ZNF589: variants seen among roughly 807,000 people sequenced by gnomAD.
ZNF589 encodes the protein zinc finger protein 589, also known as KRAB-zinc finger protein SZF1-1.
A neutral mutation model predicts 13.6 loss-of-function variants in ZNF589; 17 were observed. That is an observed-to-expected ratio of 1.25 (90% CI 0.86 to 1.88). The LOEUF (loss-of-function observed/expected upper bound fraction) is 1.88. ZNF589 is among the 40% of genes most tolerant of loss of function. The pLI is 0.00. For missense variants in ZNF589, 407 were observed against 434.0 expected, an observed-to-expected ratio of 0.94 and a Z score of 0.55; for synonymous variants, 148 against 161.6, an observed-to-expected ratio of 0.92 and a Z score of 0.64.
At chr3:48,250,840 A>T (rs2033830587) in intron 2 of ZNF589, among the ~76,000 whole-genome samples, 1 of 152,104 alleles carries the variant, frequency 6.6e-6, no homozygotes, top group Non-Finnish European at 1.5e-5. Flanking sequence ...TCGTTTTCTT[A>T]ACGTCTTTTG....
intron 3 of ZNF589, among the ~76,000 whole-genome samples, chr3:48,265,057 C>A (rs1467755727): frequency 6.6e-6 from 1 of 151,688 alleles, no homozygotes; most frequent in African/African-American, 2.4e-5. Flanking sequence ...CTGCAACCTC[C>A]GCCTCCTGGG....
chr3:48,247,766 T>G, intron 2 of ZNF589, 89 bp downstream of exon 2: 1 of 1,460,752 alleles, frequency 6.8e-7, no homozygotes, highest in Non-Finnish European at 9.5e-7. Context: ...AGGGAGGAAG[T>G]GATTAACATT....
intron 2 of ZNF589, among the ~76,000 whole-genome samples, chr3:48,259,749 A>G (rs1258890171): frequency 1.3e-5 from 2 of 151,950 alleles, no homozygotes; most frequent in East Asian, 3.9e-4. Flanking sequence ...CATCGCTACT[A>G]AAAACAAAAT....
At position 48,270,372 on chromosome 3, in the gene ZNF589, A is replaced by C; in HGVS notation, c.*1586A>C. On this transcript the variant is annotated 3_prime_UTR_variant, in exon 4 of 4. Coordinates refer to ENST00000354698, the MANE Select transcript of ZNF589 (RefSeq NM_016089.3). ...AGGGATCTAGCAATGCTGCATCATCAGCCTTCCAATACCAGGTTTAAGGGT... is the reference window on the plus strand; with the variant it reads ...AGGGATCTAGCAATGCTGCATCATCCGCCTTCCAATACCAGGTTTAAGGGT... 2.6e-6 allele frequency: 1 copy of C among 380,464 alleles called. No homozygotes were observed. Among genetic ancestry groups the C allele is most frequent in the Middle Eastern group, 7.5e-4 (1 of 1,340 alleles). The allele number at this position is 380,464 out of a possible 1,614,324, so 23.6% of individuals were successfully genotyped here. A position where few individuals can be genotyped will look rare whatever the true frequency, so the allele number is the denominator to read the frequency against.
At chr3:48,245,934 G>A (rs2033759161) in intron 1 of ZNF589, among the ~76,000 whole-genome samples, 1 of 150,144 alleles carries the variant, frequency 6.7e-6, no homozygotes, top group South Asian at 2.1e-4. Flanking sequence ...GTGACAGAGT[G>A]AGACTCTGTC....
Position 48,270,175 on chromosome 3 carries a change from C to A in ZNF589, c.*1389C>A. On this transcript the variant is annotated 3_prime_UTR_variant, in exon 4 of 4. Transcript: ENST00000354698. ...GCCTTTGCTGTTTCCTCTCCTACCC[C>A]ACCTTTAGATTTTACTCAGAGTTCA... 1 of 457,164 alleles carries A rather than the reference C, an allele frequency of 2.2e-6. No individual in the cohort carries two copies. The allele number at this position is 457,164 out of a possible 1,614,324, so 28.3% of individuals were successfully genotyped here.
chr3:48,247,469 T>G (rs920627675), intron 1 of ZNF589, among the ~76,000 whole-genome samples, 156 bp from the exon 2 acceptor site: 1 of 151,904 alleles, frequency 6.6e-6, no homozygotes, highest in African/African-American at 2.4e-5. Flanking sequence ...CATAGAGAAG[T>G]TGACTCAAGC....
intron 2 of ZNF589, among the ~76,000 whole-genome samples, chr3:48,258,561 A>G (rs1397175435): frequency 6.6e-6 from 1 of 152,184 alleles, no homozygotes; most frequent in Non-Finnish European, 1.5e-5. Flanking sequence ...CTTTTTGAGA[A>G]CCAAAAATTA....
chr3:48,241,189 G>C lies in ZNF589; in HGVS notation c.18G>C (p.Glu6Asp), dbSNP rs544798487. 4.5e-5 allele frequency: 73 copies of C among 1,613,576 alleles called. No individual in the cohort carries two copies. In the East Asian group the frequency reaches 5.8e-4, roughly 13 times the overall value. The change falls in exon 1 of 4, where the codon GAG (glutamate) becomes GAC (aspartate). Residue 6 changes from glutamate (E) to aspartate (D), a missense_variant. By Grantham distance (45) the Glu-to-Asp change is conservative. Coordinates refer to ENST00000354698, the MANE Select transcript of ZNF589 (RefSeq NM_016089.3). MWAPR[E>D]QLLGWTAEAL... ...GCGCGCAGATGTGGGCCCCGCGGGA[G>C]CAGCTACTGGGCTGGACTGCGGAAG...
chr3:48,245,510 G>A (rs1265208037), intron 1 of ZNF589, among the ~76,000 whole-genome samples: 4 of 152,166 alleles, frequency 2.6e-5, no homozygotes, highest in African/African-American at 9.7e-5. Context: ...CCCCCTGAGA[G>A]GCACTCCCTT....
intron 1 of ZNF589, among the ~76,000 whole-genome samples, chr3:48,242,114 A>G (rs189562803): frequency 6.6e-6 from 1 of 151,630 alleles, no homozygotes; most frequent in Admixed American, 6.6e-5. Flanking sequence ...ACCCGGCCCA[A>G]AAGACTTTTT....
At chr3:48,245,641 C>T (rs1031837657) in intron 1 of ZNF589, among the ~76,000 whole-genome samples, 14 of 152,122 alleles carry the variant, frequency 9.2e-5, no homozygotes, top group Admixed American at 5.2e-4. Flanking sequence ...TTCTTCTTTC[C>T]CCTCAGCAAA....
chr3:48,258,638 T>C (rs1044569901), intron 2 of ZNF589, among the ~76,000 whole-genome samples: 1 of 152,260 alleles, frequency 6.6e-6, no homozygotes, highest in Non-Finnish European at 1.5e-5. Context: ...TATAGCAAAT[T>C]GTAATAGCAA....
At position 48,268,537 on chromosome 3, in the gene ZNF589, G is replaced by A. The variant is rs761612073; in HGVS notation, c.846G>A (p.Gly282=). The change falls in exon 4 of 4, where the codon GGG becomes GGA. Residue 282 remains glycine, a synonymous_variant. Coordinates refer to ENST00000354698, the MANE Select transcript of ZNF589 (RefSeq NM_016089.3). ...GEKPYVCGEC[G]RGFIVESVLR... is the part of the protein sequence containing the mutation. ...AGCCTTATGTCTGCGGAGAGTGTGG[G>A]CGAGGCTTTATAGTTGAGTCAGTCC... 5.3e-5 allele frequency: 85 copies of A among 1,613,754 alleles called. No individual in the cohort carries two copies. The highest frequency in any genetic ancestry group is 6.4e-5 in the Non-Finnish European group (75 of 1,179,972).
intron 3 of ZNF589, among the ~76,000 whole-genome samples, chr3:48,266,629 A>G (rs938987264): frequency 6.6e-6 from 1 of 152,244 alleles, no homozygotes; most frequent in African/African-American, 2.4e-5. Context: ...CAGGACTTCA[A>G]GACTAGCCTG....
rs748211667 is a variant in ZNF589, at chr3:48,241,221, C to T, written c.43+7C>T. On this transcript the variant is annotated splice_region_variant and intron_variant, in intron 1 of 3. Coordinates refer to ENST00000354698, the MANE Select transcript of ZNF589 (RefSeq NM_016089.3). ...CTGGGCTGGACTGCGGAAGGTGAGT[C>T]GGGGCCGCGAGATCGCCTCCCCCAT... The T allele has an allele frequency of 6.2e-7, 1 of 1,611,364 alleles. No individual in the cohort carries two copies. Among genetic ancestry groups the T allele is most frequent in the Admixed American group, 1.7e-5 (1 of 59,934 alleles).
At chr3:48,250,482 T>C (rs2033825806) in intron 2 of ZNF589, among the ~76,000 whole-genome samples, 1 of 151,726 alleles carries the variant, frequency 6.6e-6, no homozygotes, top group African/African-American at 2.4e-5. Context: ...ACAACTTTTT[T>C]TTTTTTTGAG....
intron 3 of ZNF589, among the ~76,000 whole-genome samples, chr3:48,267,618 A>G (rs903422071): frequency 6.6e-6 from 1 of 152,108 alleles, no homozygotes; most frequent in Non-Finnish European, 1.5e-5. Context: ...TATGGTCTCA[A>G]TCTCTTGACC....
At position 48,262,213 on chromosome 3, in the gene ZNF589, G is replaced by A. The variant is rs574073167; in HGVS notation, c.223+1274G>A. 4.3e-4 allele frequency among the ~76,000 whole-genome samples: 65 copies of A among 152,020 alleles called. No homozygotes were observed. The South Asian group carries it at 0.013, about 31-fold the overall frequency. On this transcript the variant is annotated intron_variant, in intron 3 of 3. Transcript: ENST00000354698. ...TATTTTATTTATTTTTTTTGAGATGGAGTTTCATTCTCATTGCCCAAGCTG... is the reference window on the plus strand; with the variant it reads ...TATTTTATTTATTTTTTTTGAGATGAAGTTTCATTCTCATTGCCCAAGCTG...
Sources: allele counts gnomAD v4.1 joint callset (sites outside exome capture counted in the v4.1 genomes callset), GRCh38; gene constraint gnomAD v4.1.1; transcripts MANE v1.5; gene names NCBI Gene and HGNC (gene_info 2026-07-23, HGNC 2026-07-21).